The following TSPAN9 variants were observed in gnomAD, a reference collection of about 807,000 sequenced individuals.
TSPAN9 encodes tetraspanin 9, also known as tetraspanin-9.
Under a neutral mutation model 31.0 loss-of-function variants are expected in TSPAN9, and 16 were observed. The ratio of observed to expected loss-of-function variants is 0.52; its 90% CI spans 0.35 to 0.78. The LOEUF (loss-of-function observed/expected upper bound fraction) is 0.78. Among genes scored for constraint, TSPAN9 ranks in the 30% least tolerant of loss-of-function variants. TSPAN9 has a pLI of 0.01. For missense variants in TSPAN9, 272 were observed against 312.5 expected (o/e 0.87, Z 0.98); for synonymous variants, 145 against 121.6 (o/e 1.19, Z -1.27).
chr12:3,232,593 T>C (rs1289255339), intron 3 of TSPAN9, among the ~76,000 whole-genome samples: 2 of 152,242 alleles, frequency 1.3e-5, no homozygotes, highest in African/African-American at 2.4e-5. Flanking sequence ...CCTGGGAAGG[T>C]TGCAGAACTA....
At chr12:3,138,625 C>T (rs1037100309) in intron 2 of TSPAN9, among the ~76,000 whole-genome samples, 29 of 118,252 alleles carry the variant, frequency 2.5e-4, no homozygotes, top group Admixed American at 8.6e-4. Flanking sequence ...CCACCATATC[C>T]GCCATACAAA....
At chr12:3,253,880 C>A (rs1475225044) in intron 3 of TSPAN9, among the ~76,000 whole-genome samples, 1 of 152,196 alleles carries the variant, frequency 6.6e-6, no homozygotes, top group African/African-American at 2.4e-5. Context: ...TGTTTGGAAG[C>A]CCCAGAACCC....
chr12:3,281,060 C>T, intron 6 of TSPAN9, 138 bp from the exon 7 acceptor site: 1 of 1,387,260 alleles, frequency 7.2e-7, no homozygotes, highest in Non-Finnish European at 9.7e-7. Context: ...GGACAAGAAG[C>T]AAGCCCTTTG....
chr12:3,204,028 G>T (rs2098373494), intron 3 of TSPAN9, among the ~76,000 whole-genome samples: 1 of 152,196 alleles, frequency 6.6e-6, no homozygotes, highest in South Asian at 2.1e-4. Context: ...TTGCTGTCTT[G>T]TGCAGGGGGG....
chr12:3,250,463 C>G (rs2153978039), intron 3 of TSPAN9, among the ~76,000 whole-genome samples: 1 of 152,296 alleles, frequency 6.6e-6, no homozygotes, highest in East Asian at 1.9e-4. Flanking sequence ...CTCACTTTTT[C>G]ACATGCCTCT....
At chr12:3,269,223 CCT>C (rs746109992) in intron 3 of TSPAN9, among the ~76,000 whole-genome samples, 5 of 53,256 alleles carry the variant, frequency 9.4e-5, no homozygotes, top group Non-Finnish European at 1.4e-4. Flanking sequence ...TGCAGCCTGC[CCT>C]CTCTGTGTTC....
At chr12:3,090,683 A>G (rs984470361) in intron 2 of TSPAN9, among the ~76,000 whole-genome samples, 1 of 152,238 alleles carries the variant, frequency 6.6e-6, no homozygotes, top group Non-Finnish European at 1.5e-5. Flanking sequence ...CCACGGCACA[A>G]GGAGGGTATG....
At chr12:3,245,738 C>T (rs73047027) in intron 3 of TSPAN9, among the ~76,000 whole-genome samples, 2,439 of 152,304 alleles carry the variant, frequency 0.016, 33 homozygotes, top group Non-Finnish European at 0.024. Flanking sequence ...GTGGGCAGAC[C>T]GGCCCGTGGC....
intron 2 of TSPAN9, among the ~76,000 whole-genome samples, chr12:3,104,980 G>A (rs1341328003): frequency 2.0e-5 from 3 of 152,326 alleles, no homozygotes; most frequent in Non-Finnish European, 2.9e-5. Context: ...GCTCTCAGGC[G>A]TTCAGCTGGT....
rs1264208744 is a variant in TSPAN9 at position 3,286,094 on chromosome 12, TGG to T, written c.*2980_*2981del. The T allele has an allele frequency of 6.5e-6, 1 of 152,760 alleles. No homozygotes were observed. Among genetic ancestry groups the T allele is most frequent in the Non-Finnish European group, 1.5e-5 (1 of 68,106 alleles). 9.5% of individuals were successfully genotyped at this position (152,760 alleles called of 1,614,324 possible). ...AGGCTTTGGTGGCCCAAGAGCAGTC[TGG>T]GTGGATGGAAGTGGCTGTCCCCTCC... On this transcript the variant is annotated 3_prime_UTR_variant, in exon 9 of 9. Coordinates refer to ENST00000011898, the MANE Select transcript of TSPAN9 (RefSeq NM_006675.5). This position sits in a 1 kb window ranked among gnomAD's most constrained non-coding sequence, Gnocchi z 4.1.
chr12:3,193,854 C>A (rs1189945061), intron 2 of TSPAN9, among the ~76,000 whole-genome samples: 1 of 152,252 alleles, frequency 6.6e-6, no homozygotes, highest in Admixed American at 6.5e-5. Context: ...GTCCTTCTGT[C>A]TGTCCATCCA....
At chr12:3,142,592 G>C (rs1473174237) in intron 2 of TSPAN9, among the ~76,000 whole-genome samples, 1 of 152,188 alleles carries the variant, frequency 6.6e-6, no homozygotes, top group Non-Finnish European at 1.5e-5. Context: ...GGCTCAGCAA[G>C]CCGCCTGAGA....
At chr12:3,093,959 C>T (rs2098306394) in intron 2 of TSPAN9, among the ~76,000 whole-genome samples, 1 of 152,230 alleles carries the variant, frequency 6.6e-6, no homozygotes, top group Non-Finnish European at 1.5e-5. Context: ...AACTCCTGGG[C>T]TCAAGCAATC....
At position 3,264,324 on chromosome 12, in the gene TSPAN9, G is replaced by A. The variant is rs1012916358; in HGVS notation, c.64-14097G>A. ...CTTCTGGGTCACAGAACAGCTTCCC[G>A]CCCGCCAGCCCGCCTCAACCCACCT... On this transcript the variant is annotated intron_variant, in intron 3 of 8. Transcript: ENST00000011898. Among the ~76,000 whole-genome samples the A allele has an allele frequency of 1.1e-4, 17 of 152,266 alleles. No homozygotes were observed. In the East Asian group the frequency reaches 2.5e-3, roughly 22 times the overall value.
At chr12:3,207,172 G>A (rs915528355) in intron 3 of TSPAN9, among the ~76,000 whole-genome samples, 1 of 152,056 alleles carries the variant, frequency 6.6e-6, no homozygotes, top group Admixed American at 6.6e-5. Context: ...AGGGCTCCTA[G>A]GACAGGGTTG....
intron 3 of TSPAN9, among the ~76,000 whole-genome samples, chr12:3,260,151 C>A (rs904331589): frequency 1.3e-5 from 2 of 152,222 alleles, no homozygotes; most frequent in Non-Finnish European, 2.9e-5. Flanking sequence ...CCACTCCGCT[C>A]AACGGGAGTC....
intron 3 of TSPAN9, among the ~76,000 whole-genome samples, chr12:3,232,207 C>G (rs2098391101): frequency 6.6e-6 from 1 of 152,076 alleles, no homozygotes; most frequent in Admixed American, 6.5e-5. Flanking sequence ...TATGGTAAAT[C>G]CTGAGAAATG....
chr12:3,255,077 T>G (rs891558102), intron 3 of TSPAN9, among the ~76,000 whole-genome samples: 8 of 152,206 alleles, frequency 5.3e-5, no homozygotes, highest in African/African-American at 1.4e-4. Context: ...AGCTCCCCTT[T>G]GTCCCCCAGA....
intron 3 of TSPAN9, among the ~76,000 whole-genome samples, chr12:3,258,819 A>G (rs1862398274): frequency 6.6e-6 from 1 of 152,178 alleles, no homozygotes; most frequent in African/African-American, 2.4e-5. Context: ...CTCAATGCAC[A>G]ATGCGAATGT....
Sources: gnomAD v4.1 joint callset for allele counts (sites outside exome capture counted in the v4.1 genomes callset) on GRCh38, gnomAD v4.1.1 for gene constraint, Gnocchi (gnomAD v3.1) non-coding constraint, MANE v1.5 for transcripts, NCBI Gene and HGNC (gene_info 2026-07-23, HGNC 2026-07-21) for gene names.